CFAP74: variants seen among roughly 807,000 people sequenced by gnomAD.
CFAP74 encodes cilia and flagella associated protein 74.
In CFAP74, 124 loss-of-function variants were observed where a neutral mutation model predicts 188.9. The ratio of observed to expected loss-of-function variants is 0.66; its 90% CI spans 0.57 to 0.76. CFAP74 has a LOEUF of 0.76. Ranked by LOEUF, CFAP74 falls within the 30% of genes least tolerant of loss-of-function variation. The probability of loss-of-function intolerance (pLI) is 0.00; values close to 1 mark genes in which losing one functional copy is unlikely to be tolerated. For missense variants in CFAP74, 2,198 were observed against 2,165.2 expected (o/e 1.02, Z -0.30); for synonymous variants, 956 against 916.7 (o/e 1.04, Z -0.77).
rs543036282 is a variant in CFAP74 at position 1,955,151 on chromosome 1, G to A, written c.2176+540C>T. On this transcript the variant is annotated intron_variant, in intron 18 of 38. Coordinates refer to ENST00000682832, the MANE Select transcript of CFAP74 (RefSeq NM_001304360.2). ...GCAGGGCGTGCGGAACGCGCACCACGCGAAGACAGACAGGAGGAGGACGGA... is the reference window on the plus strand; with the variant it reads ...GCAGGGCGTGCGGAACGCGCACCACACGAAGACAGACAGGAGGAGGACGGA... 4.1e-5 allele frequency: 52 copies of A among 1,277,624 alleles called. No homozygotes were observed. In the South Asian group the frequency reaches 5.3e-4, roughly 13 times the overall value. The allele number at this position is 1,277,624 out of a possible 1,614,324, so 79.1% of individuals were successfully genotyped here. A position where few individuals can be genotyped will look rare whatever the true frequency, so the allele number is the denominator to read the frequency against.
chr1:1,928,217 C>G (rs1652075369), intron 27 of CFAP74, among the ~76,000 whole-genome samples: 1 of 38,978 alleles, frequency 2.6e-5, no homozygotes, highest in South Asian at 9.1e-4. Flanking sequence ...AGGGCAAACC[C>G]TTGGGAGGAA....
chr1:1,926,431 C>T (rs759478314), intron 31 of CFAP74, 26 bp downstream of exon 31: 12 of 1,550,132 alleles, frequency 7.7e-6, no homozygotes, highest in African/African-American at 5.5e-5. Context: ...CCCCGCAGGC[C>T]GCCTGAGCTG....
At chr1:1,991,761 T>G (rs13303315) in intron 1 of CFAP74, among the ~76,000 whole-genome samples, 1 of 151,770 alleles carries the variant, frequency 6.6e-6, no homozygotes, top group South Asian at 2.1e-4. Context: ...TGAGATTGGC[T>G]GGGCGTGGTG....
intron 14 of CFAP74, 67 bp downstream of exon 14, chr1:1,963,682 T>C (rs1182947067): frequency 2.0e-6 from 2 of 1,003,624 alleles, no homozygotes; most frequent in African/African-American, 1.6e-5. Flanking sequence ...GTTCTGAACA[T>C]GAAGGGACCT....
At chr1:1,983,688 T>A (rs1222067356) in intron 6 of CFAP74, 1 of 152,238 alleles carries the variant, frequency 6.6e-6, no homozygotes, top group Non-Finnish European at 1.5e-5. Context: ...AATAAAACTT[T>A]ATTTATTTAT....
Position 1,967,985 on chromosome 1 carries a change from T to TGAGA in CFAP74, c.1245+649_1245+650insTCTC, listed in dbSNP as rs1255349540. ...AGTGAATGAGTGAATGAGTAAAGAA[T>TGAGA]GAATGAGTGAATGAGTGAGCGAATG... is the stretch of plus-strand genomic sequence containing the variant. On this transcript the variant is annotated intron_variant, in intron 11 of 38. Coordinates refer to ENST00000682832, the MANE Select transcript of CFAP74 (RefSeq NM_001304360.2). Among the ~76,000 whole-genome samples, 333 of 147,502 alleles carry TGAGA rather than the reference T, an allele frequency of 2.3e-3. 1 individual carries two copies. The highest frequency in any genetic ancestry group is 4.0e-3 in the Non-Finnish European group (267 of 67,014).
At position 1,925,940 on chromosome 1, in the gene CFAP74, T is replaced by C. The variant is rs781759474; in HGVS notation, c.3949-2A>G. The C allele has an allele frequency of 6.2e-7, 1 of 1,601,638 alleles. No homozygotes were observed. Among genetic ancestry groups the C allele is most frequent in the African/African-American group, 1.3e-5 (1 of 74,648 alleles). On this transcript the variant is annotated splice_acceptor_variant, in intron 32 of 38. Coordinates refer to ENST00000682832, the MANE Select transcript of CFAP74 (RefSeq NM_001304360.2). LOFTEE classifies it high-confidence loss of function. ...GATGATGTCCAGTGTTTCTTGAGCC[T>C]AAAGAGACCACATCGCTCAGCCAGG...
chr1:1,968,515 C>T lies in CFAP74; in HGVS notation c.1245+120G>A. ...CGGCCACTCAGCGGGCTCAGCAACCCCCTGCAGGTGGCCATGGTGCTGAGG... is the reference window on the plus strand; with the variant it reads ...CGGCCACTCAGCGGGCTCAGCAACCTCCTGCAGGTGGCCATGGTGCTGAGG... On this transcript the variant is annotated intron_variant, in intron 11 of 38. Transcript: ENST00000682832. This position sits in a 1 kb window ranked among gnomAD's most constrained non-coding sequence, Gnocchi z 4.3. 1.2e-6 allele frequency: 1 copy of T among 827,708 alleles called. No individual in the cohort carries two copies. 51.3% of individuals were successfully genotyped at this position (827,708 alleles called of 1,614,324 possible). A position where few individuals can be genotyped will look rare whatever the true frequency, so the allele number is the denominator to read the frequency against.
intron 14 of CFAP74, among the ~76,000 whole-genome samples, chr1:1,962,065 G>T (rs79466635): frequency 7.9e-5 from 12 of 152,130 alleles, no homozygotes; most frequent in African/African-American, 2.7e-4. Flanking sequence ...AACGCTCGCG[G>T]GAGTGGAAAC....
intron 20 of CFAP74, 39 bp from the exon 21 acceptor site, chr1:1,944,491 T>C (rs1427069482): frequency 7.8e-6 from 12 of 1,529,902 alleles, no homozygotes; most frequent in Non-Finnish European, 1.1e-5. Context: ...AGGAGTTCCT[T>C]GGGCACAGCA....
intron 18 of CFAP74, among the ~76,000 whole-genome samples, chr1:1,952,197 C>T (rs2102057276): frequency 6.6e-6 from 1 of 152,248 alleles, no homozygotes; most frequent in African/African-American, 2.4e-5. Context: ...AGGTGATCCA[C>T]CCGCCTCGGC....
intron 23 of CFAP74, among the ~76,000 whole-genome samples, chr1:1,940,109 C>T (rs1653263495): frequency 6.6e-6 from 1 of 152,246 alleles, no homozygotes; most frequent in Non-Finnish European, 1.5e-5. Flanking sequence ...CACAGCCCTG[C>T]TGGCCTGGAT....
intron 16 of CFAP74, among the ~76,000 whole-genome samples, chr1:1,957,827 C>G (rs1390459358): frequency 1.3e-5 from 2 of 152,066 alleles, no homozygotes; most frequent in Non-Finnish European, 2.9e-5. Flanking sequence ...GGGCCTGAGT[C>G]TTGGCTCACC....
At chr1:1,994,992 G>A (rs997957782) in intron 1 of CFAP74, among the ~76,000 whole-genome samples, 7 of 152,136 alleles carry the variant, frequency 4.6e-5, no homozygotes, top group South Asian at 2.1e-4. Flanking sequence ...GAACAAACCC[G>A]ACGTCGCCAC....
Position 1,968,520 on chromosome 1 carries a change from C to G in CFAP74, c.1245+115G>C, listed in dbSNP as rs13303292. 4.5e-5 allele frequency: 38 copies of G among 851,570 alleles called. No homozygotes were observed. The highest frequency in any genetic ancestry group is 7.3e-5 in the Non-Finnish European group (38 of 523,976). The allele number at this position is 851,570 out of a possible 1,614,324, so 52.8% of individuals were successfully genotyped here. Reference sequence around the variant, plus strand: ...ACTCAGCGGGCTCAGCAACCCCCTGCAGGTGGCCATGGTGCTGAGGTCCTC... The same window carrying G: ...ACTCAGCGGGCTCAGCAACCCCCTGGAGGTGGCCATGGTGCTGAGGTCCTC... On this transcript the variant is annotated intron_variant, in intron 11 of 38. Transcript: ENST00000682832. This position sits in a 1 kb window ranked among gnomAD's most constrained non-coding sequence, Gnocchi z 4.3.
At chr1:1,978,450 T>C (rs1656588684) in intron 6 of CFAP74, among the ~76,000 whole-genome samples, 1 of 152,022 alleles carries the variant, frequency 6.6e-6, no homozygotes, top group African/African-American at 2.4e-5. Context: ...CGGTGGTTAA[T>C]TGATTTTGGG....
rs1405551288 is a variant in CFAP74 at position 1,939,030 on chromosome 1, C to A, written c.2878-42G>T. On this transcript the variant is annotated intron_variant, in intron 24 of 38. Coordinates refer to ENST00000682832, the MANE Select transcript of CFAP74 (RefSeq NM_001304360.2). Reference sequence around the variant, plus strand: ...GCTCTGAGGGCATGTCACGGGGAGACCATGTGGACACACGTGCGGCAGGGC... The same window carrying A: ...GCTCTGAGGGCATGTCACGGGGAGAACATGTGGACACACGTGCGGCAGGGC... 4 of 1,524,292 alleles carry A rather than the reference C, an allele frequency of 2.6e-6. No homozygotes were observed. In the South Asian group the frequency reaches 4.8e-5, roughly 18 times the overall value. The allele number at this position is 1,524,292 out of a possible 1,614,324, so 94.4% of individuals were successfully genotyped here.
Position 1,966,384 on chromosome 1 carries a change from T to A in CFAP74, c.1388A>T (p.Tyr463Phe). ...AGGAGCTGATACCTGGTATGGCTTG[T>A]AGTCTTCATTCCAAAGCCCAGAGAT... is the stretch of plus-strand genomic sequence containing the variant. ...PEISGLWNED[Y>F]KPYQVPKEDV... The change falls in exon 12 of 39, where the codon TAC becomes TTC. Residue 463 changes from tyrosine (Y) to phenylalanine (F), a missense_variant. Physicochemically the swap from Tyr to Phe is conservative, Grantham distance 22. Coordinates refer to ENST00000682832, the MANE Select transcript of CFAP74 (RefSeq NM_001304360.2). 1 of 1,576,694 alleles carries A rather than the reference T, an allele frequency of 6.3e-7. No homozygotes were observed. The highest frequency in any genetic ancestry group is 2.3e-5 in the East Asian group (1 of 42,594).
chr1:1,938,646 A>C (rs1172137192), intron 25 of CFAP74, among the ~76,000 whole-genome samples: 1 of 152,190 alleles, frequency 6.6e-6, no homozygotes, highest in East Asian at 1.9e-4. Flanking sequence ...CACACGTCTG[A>C]GTGGGCCCAG....
Sources: allele counts gnomAD v4.1 joint callset (sites outside exome capture counted in the v4.1 genomes callset), GRCh38; gene constraint gnomAD v4.1.1; non-coding constraint Gnocchi (gnomAD v3.1); transcripts MANE v1.5; gene names NCBI Gene and HGNC (gene_info 2026-07-23, HGNC 2026-07-21).